The following PHLDB2 variants were observed in gnomAD, a reference collection of about 807,000 sequenced individuals.
The protein encoded by PHLDB2 is pleckstrin homology-like domain family B member 2.
A neutral mutation model predicts 123.6 loss-of-function variants in PHLDB2; 71 were observed. That is an observed-to-expected ratio of 0.57 (90% CI 0.47 to 0.70). The LOEUF (loss-of-function observed/expected upper bound fraction) is 0.70. Ranked by LOEUF, PHLDB2 falls within the 30% of genes least tolerant of loss-of-function variation. PHLDB2 has a pLI of 0.00. For missense variants in PHLDB2, 1,446 were observed against 1,519.5 expected (o/e 0.95, Z 0.80); for synonymous variants, 547 against 541.6 (o/e 1.01, Z -0.14).
chr3:111,775,021 G>C (rs6789977), intron 1 of PHLDB2, among the ~76,000 whole-genome samples: 2 of 151,986 alleles, frequency 1.3e-5, no homozygotes, highest in Admixed American at 6.5e-5. Flanking sequence ...ACAATGTGTG[G>C]TATAAAGAAA....
chr3:111,852,562 A>T (rs975315483), intron 2 of PHLDB2, among the ~76,000 whole-genome samples: 1 of 152,102 alleles, frequency 6.6e-6, no homozygotes, highest in African/African-American at 2.4e-5. Flanking sequence ...AGAGAAGAGA[A>T]GCTGAGTTCT....
chr3:111,740,733 A>G (rs1355981104), intron 1 of PHLDB2, among the ~76,000 whole-genome samples: 1 of 152,028 alleles, frequency 6.6e-6, no homozygotes, highest in Non-Finnish European at 1.5e-5. Context: ...CCCACCAAAT[A>G]CATTCACTTA....
intron 13 of PHLDB2, among the ~76,000 whole-genome samples, chr3:111,963,777 A>G (rs1286897339): frequency 6.6e-6 from 1 of 152,242 alleles, no homozygotes; most frequent in Non-Finnish European, 1.5e-5. Flanking sequence ...TACATAAGTT[A>G]AAAACAAATC....
chr3:111,765,341 T>C (rs113249984), intron 1 of PHLDB2, among the ~76,000 whole-genome samples: 7,660 of 152,228 alleles, frequency 0.05, 651 homozygotes, highest in African/African-American at 0.17. Context: ...CACTAACAAG[T>C]GACTGTGCTT....
At chr3:111,759,149 C>T (rs1386104352) in intron 1 of PHLDB2, among the ~76,000 whole-genome samples, 1 of 150,318 alleles carries the variant, frequency 6.7e-6, no homozygotes, top group Admixed American at 6.6e-5. Context: ...TTGTCTTAGT[C>T]CACTCAGGCT....
chr3:111,788,119 G>A (rs2060769553), intron 1 of PHLDB2, among the ~76,000 whole-genome samples: 1 of 152,160 alleles, frequency 6.6e-6, no homozygotes, highest in Admixed American at 6.6e-5. Context: ...TCCAGGAGGA[G>A]AATTGGTGGG....
At chr3:111,958,310 G>C (rs1364008884) in intron 12 of PHLDB2, 7 of 991,936 alleles carry the variant, frequency 7.1e-6, no homozygotes, top group Non-Finnish European at 8.4e-6. Context: ...GCTATGACAG[G>C]CTGAATTGTT....
intron 1 of PHLDB2, chr3:111,779,968 T>G (rs2060342463): frequency 1.5e-6 from 1 of 678,438 alleles, no homozygotes; most frequent in Non-Finnish European, 1.8e-6. Flanking sequence ...AAGAGGAGAG[T>G]CGAGGACTCT....
At chr3:111,940,181 T>G (rs551727018) in intron 7 of PHLDB2, among the ~76,000 whole-genome samples, 1 of 152,344 alleles carries the variant, frequency 6.6e-6, no homozygotes, top group South Asian at 2.1e-4. Flanking sequence ...AGGTGTTTTC[T>G]TAAACTCTCA....
intron 1 of PHLDB2, among the ~76,000 whole-genome samples, chr3:111,825,302 T>C (rs2062601866): frequency 6.6e-6 from 1 of 152,196 alleles, no homozygotes; most frequent in African/African-American, 2.4e-5. Context: ...TATTACACTA[T>C]CAAAAAGAGA....
chr3:111,891,185 A>G (rs1457290592), intron 2 of PHLDB2, among the ~76,000 whole-genome samples: 4 of 152,200 alleles, frequency 2.6e-5, no homozygotes, highest in Admixed American at 1.3e-4. Flanking sequence ...TAGATGTTCT[A>G]GAGCATGGGT....
intron 1 of PHLDB2, among the ~76,000 whole-genome samples, chr3:111,806,154 T>C (rs528501206): frequency 6.6e-6 from 1 of 152,334 alleles, no homozygotes; most frequent in African/African-American, 2.4e-5. Flanking sequence ...CCCAGTACCA[T>C]TTTTAACAGC....
At chr3:111,920,053 A>C (rs2068408031) in intron 4 of PHLDB2, among the ~76,000 whole-genome samples, 1 of 152,204 alleles carries the variant, frequency 6.6e-6, no homozygotes, top group Non-Finnish European at 1.5e-5. Flanking sequence ...TAGAAAAGTT[A>C]AGTGATAAGA....
rs2066086167 is a variant in PHLDB2 at position 111,884,938 on chromosome 3, G to A, written c.861G>A (p.Gly287=). 1.9e-6 allele frequency: 3 copies of A among 1,613,968 alleles called. No individual in the cohort carries two copies. The change falls in exon 2 of 18, where the codon GGG becomes GGA. Residue 287 remains glycine, a synonymous_variant. Transcript: ENST00000431670. ...SLGNSKRTKL[G]EKDLPHSVID... Reference sequence around the variant, plus strand: ...GCAATTCCAAACGAACAAAACTTGGGGAAAAGGATCTACCTCATAGCGTAA... The same window carrying A: ...GCAATTCCAAACGAACAAAACTTGGAGAAAAGGATCTACCTCATAGCGTAA...
At position 111,969,914 on chromosome 3, in the gene PHLDB2, G is replaced by T; in HGVS notation, c.3535+5G>T. On this transcript the variant is annotated splice_donor_5th_base_variant and intron_variant, in intron 16 of 17. Coordinates refer to ENST00000431670, the MANE Select transcript of PHLDB2 (RefSeq NM_001134438.2). ...GAACATTCTCTTATTATGCAGGTGG[G>T]TGATAAAAACAATTTAAGCCATATA... 6.2e-7 allele frequency: 1 copy of T among 1,613,098 alleles called. No individual in the cohort carries two copies. Among genetic ancestry groups the T allele is most frequent in the Non-Finnish European group, 8.5e-7 (1 of 1,179,190 alleles).
At chr3:111,803,328 T>C (rs1276339721) in intron 1 of PHLDB2, among the ~76,000 whole-genome samples, 1 of 152,202 alleles carries the variant, frequency 6.6e-6, no homozygotes, top group East Asian at 1.9e-4. Context: ...AGGTTGCTAC[T>C]AACAGGGTTC....
At chr3:111,938,398 T>C (rs1283944940) in intron 6 of PHLDB2, among the ~76,000 whole-genome samples, 2 of 152,116 alleles carry the variant, frequency 1.3e-5, no homozygotes, top group African/African-American at 4.8e-5. Context: ...AAAAGTTTTT[T>C]GATTGCTTAT....
At chr3:111,871,673 C>T (rs962780336) in intron 1 of PHLDB2, among the ~76,000 whole-genome samples, 1 of 151,948 alleles carries the variant, frequency 6.6e-6, no homozygotes, top group Non-Finnish European at 1.5e-5. Context: ...AAAAAAACTC[C>T]AAAAAAACCT....
At position 111,975,017 on chromosome 3, in the gene PHLDB2, A is replaced by C. The variant is rs1254944318; in HGVS notation, c.*454A>C. 1 of 152,682 alleles carries C rather than the reference A, an allele frequency of 6.5e-6. No homozygotes were observed. The highest frequency in any genetic ancestry group is 1.5e-5 in the Non-Finnish European group (1 of 68,134). 9.5% of individuals were successfully genotyped at this position (152,682 alleles called of 1,614,324 possible). A position where few individuals can be genotyped will look rare whatever the true frequency, so the allele number is the denominator to read the frequency against. ...TGTTGACAGTTATTTTGTAAACATA[A>C]GCAAATAAGGGCTTGGAGGGAAATA... is the stretch of plus-strand genomic sequence containing the variant. On this transcript the variant is annotated 3_prime_UTR_variant, in exon 18 of 18. Transcript: ENST00000431670.
Sources: allele counts gnomAD v4.1 joint callset (sites outside exome capture counted in the v4.1 genomes callset), GRCh38; gene constraint gnomAD v4.1.1; transcripts MANE v1.5; gene names NCBI Gene and HGNC (gene_info 2026-07-23, HGNC 2026-07-21).